Variants in PLXNA2 observed in about 807,000 individuals in gnomAD.
The protein encoded by PLXNA2 is plexin-A2.
A neutral mutation model predicts 193.5 loss-of-function variants in PLXNA2; 91 were observed. The ratio of observed to expected loss-of-function variants is 0.47; its 90% CI spans 0.40 to 0.56. PLXNA2 has a LOEUF of 0.56. Among genes scored for constraint, PLXNA2 ranks in the 20% least tolerant of loss-of-function variants. The pLI, the probability that PLXNA2 is intolerant of heterozygous loss-of-function variation, is 0.00. For synonymous variants in PLXNA2, 997 were observed against 1,027.3 expected, an observed-to-expected ratio of 0.97 and a Z score of 0.56; for missense variants, 1,995 against 2,503.2, an observed-to-expected ratio of 0.80 and a Z score of 4.33.
At chr1:208,060,323 A>T (rs1665573920) in intron 13 of PLXNA2, among the ~76,000 whole-genome samples, 1 of 152,146 alleles carries the variant, frequency 6.6e-6, no homozygotes, top group South Asian at 2.1e-4. Flanking sequence ...CACCAAACAA[A>T]TTGTTGCCTG....
intron 27 of PLXNA2, 40 bp downstream of exon 27, chr1:208,034,453 C>T (rs1329074158): frequency 2.2e-6 from 3 of 1,335,738 alleles, no homozygotes; most frequent in Non-Finnish European, 3.2e-6. Flanking sequence ...TCTCAGAAGA[C>T]TCTGCTCTGA....
intron 3 of PLXNA2, among the ~76,000 whole-genome samples, chr1:208,175,529 C>A (rs540088864): frequency 6.6e-6 from 1 of 151,580 alleles, no homozygotes. Flanking sequence ...TGTAAAATGG[C>A]CTCCAAAGGA....
At chr1:208,046,459 A>C (rs1390633705) in intron 17 of PLXNA2, among the ~76,000 whole-genome samples, 1 of 152,040 alleles carries the variant, frequency 6.6e-6, no homozygotes, top group African/African-American at 2.4e-5. Context: ...GGCCTGGGGC[A>C]TGGGGGGCAC....
At chr1:208,176,988 C>T (rs1669679434) in intron 3 of PLXNA2, among the ~76,000 whole-genome samples, 1 of 148,386 alleles carries the variant, frequency 6.7e-6, no homozygotes, top group Non-Finnish European at 1.5e-5. Flanking sequence ...TAGGGAATGG[C>T]CTTTTGCCTC....
intron 12 of PLXNA2, 82 bp downstream of exon 12, chr1:208,079,178 G>T: frequency 8.3e-7 from 1 of 1,205,366 alleles, no homozygotes. Context: ...TGTCCACAGA[G>T]TCTCAATTTG....
intron 4 of PLXNA2, among the ~76,000 whole-genome samples, chr1:208,131,775 T>A (rs1210365501): frequency 3.3e-5 from 5 of 152,040 alleles, no homozygotes. Flanking sequence ...GAGCTTTGGA[T>A]GGGGGTAAGA....
At chr1:208,106,028 A>G (rs1032155229) in intron 4 of PLXNA2, among the ~76,000 whole-genome samples, 14 of 151,242 alleles carry the variant, frequency 9.3e-5, no homozygotes, top group African/African-American at 3.2e-4. Flanking sequence ...CATGAAACCA[A>G]TAGCACAACT....
At chr1:208,165,777 G>A (rs1669282792) in intron 3 of PLXNA2, among the ~76,000 whole-genome samples, 1 of 152,212 alleles carries the variant, frequency 6.6e-6, no homozygotes, top group African/African-American at 2.4e-5. Flanking sequence ...TTCCAGGACT[G>A]AGAGCGGCCT....
At chr1:208,128,448 G>A (rs1482477097) in intron 4 of PLXNA2, among the ~76,000 whole-genome samples, 1 of 152,122 alleles carries the variant, frequency 6.6e-6, no homozygotes, top group Non-Finnish European at 1.5e-5. Flanking sequence ...CACCTTCTCA[G>A]CAGTCCTATC....
intron 3 of PLXNA2, among the ~76,000 whole-genome samples, chr1:208,190,545 G>C (rs561467265): frequency 6.6e-6 from 1 of 152,214 alleles, no homozygotes; most frequent in Non-Finnish European, 1.5e-5. Flanking sequence ...GTCAACCTCA[G>C]TACTATCGAC....
rs779368619 is a variant in PLXNA2, at chr1:208,034,509, C to T, written c.4848G>A (p.Thr1616=). 1.6e-5 allele frequency: 25 copies of T among 1,612,808 alleles called. No individual in the cohort carries two copies. The highest frequency in any genetic ancestry group is 1.6e-4 in the Middle Eastern group (1 of 6,080). The part of the protein sequence containing the change: ...NIPASASISR[T]SISRYDSSFR... ...GGTTCTCACCGTATCTGCTGATGGA[C>T]GTCCGGGAGATGCTGGCAGAGGCAG... Residue 1616 remains threonine (T), a synonymous_variant, in exon 27 of 32, where the codon ACG becomes ACA. Transcript: ENST00000367033.
At chr1:208,031,792 G>C (rs375386387) in intron 28 of PLXNA2, 33 bp from the exon 29 acceptor site, 48 of 1,524,280 alleles carry the variant, frequency 3.1e-5, no homozygotes, top group Non-Finnish European at 4.0e-5. Context: ...TAAGATGGAG[G>C]GGGGTGACGG....
chr1:208,064,849 G>C (rs1665738889), intron 12 of PLXNA2, among the ~76,000 whole-genome samples: 1 of 152,132 alleles, frequency 6.6e-6, no homozygotes, highest in Admixed American at 6.5e-5. Flanking sequence ...AGACCAGGAA[G>C]CTGCAGGGTC....
chr1:208,198,758 G>A (rs1315879187), intron 3 of PLXNA2, among the ~76,000 whole-genome samples: 1 of 152,168 alleles, frequency 6.6e-6, no homozygotes, highest in Non-Finnish European at 1.5e-5. Context: ...GTCTACACGT[G>A]GACATATGGA....
chr1:208,068,610 G>C (rs1207167890), intron 12 of PLXNA2, among the ~76,000 whole-genome samples: 4 of 152,166 alleles, frequency 2.6e-5, no homozygotes, highest in Admixed American at 2.6e-4. Flanking sequence ...ACCCGCACTC[G>C]GGTCGTGCCT....
chr1:208,200,294 C>A (rs2102581584), intron 3 of PLXNA2, among the ~76,000 whole-genome samples: 1 of 152,354 alleles, frequency 6.6e-6, no homozygotes. Context: ...GATTCATTTT[C>A]ACCACATTCA....
At chr1:208,143,983 C>T (rs1037679596) in intron 3 of PLXNA2, among the ~76,000 whole-genome samples, 2 of 152,204 alleles carry the variant, frequency 1.3e-5, no homozygotes, top group African/African-American at 2.4e-5. Flanking sequence ...GTTGAAAGAG[C>T]GTGAACTGTG....
At position 208,041,978 on chromosome 1, in the gene PLXNA2, A is replaced by T. The variant is rs1664885126; in HGVS notation, c.4286+120T>A. ...AGACGTGAGGACACAGGCTGCTCTG[A>T]ATGGGTGCCCCTTCTGGGGAGTGGG... On this transcript the variant is annotated intron_variant, in intron 22 of 31. Coordinates refer to ENST00000367033, the MANE Select transcript of PLXNA2 (RefSeq NM_025179.4). The T allele has an allele frequency of 2.5e-5, 26 of 1,050,582 alleles. 1 individual carries two copies. The South Asian group carries it at 3.8e-4, about 15-fold the overall frequency. 65.1% of individuals were successfully genotyped at this position (1,050,582 alleles called of 1,614,324 possible).
At chr1:208,109,633 G>A (rs1037326013) in intron 4 of PLXNA2, among the ~76,000 whole-genome samples, 3 of 152,204 alleles carry the variant, frequency 2.0e-5, no homozygotes, top group African/African-American at 7.2e-5. Flanking sequence ...GAGAAATTAA[G>A]GCCCCCAAAG....
Sources: gnomAD v4.1 joint callset for allele counts (sites outside exome capture counted in the v4.1 genomes callset) on GRCh38, gnomAD v4.1.1 for gene constraint, MANE v1.5 for transcripts, NCBI Gene and HGNC (gene_info 2026-07-23, HGNC 2026-07-21) for gene names.